The following CEP63 variants were observed in gnomAD, a reference collection of about 807,000 sequenced individuals.
The protein encoded by CEP63 is centrosomal protein of 63 kDa.
CEP63 carries 84 observed loss-of-function variants against 89.1 expected under a neutral mutation model. The ratio of observed to expected loss-of-function variants is 0.94; its 90% CI spans 0.79 to 1.13. CEP63 has a LOEUF of 1.13. Among genes scored for constraint, CEP63 ranks in the 50% most tolerant of loss-of-function variants. CEP63 has a pLI of 0.00. For missense variants in CEP63, 838 were observed against 813.3 expected (o/e 1.03, Z -0.37); for synonymous variants, 267 against 272.5 (o/e 0.98, Z 0.20).
At chr3:134,496,867 G>A (rs1333346112) in intron 2 of CEP63, among the ~76,000 whole-genome samples, 2 of 152,022 alleles carry the variant, frequency 1.3e-5, no homozygotes, top group Non-Finnish European at 2.9e-5. Context: ...TTCCATAATG[G>A]CTGTACTAAT....
the CEP63 span, among the ~76,000 whole-genome samples, chr3:134,778,620 G>T: frequency 6.6e-6 from 1 of 151,974 alleles, no homozygotes; most frequent in Non-Finnish European, 1.5e-5. Flanking sequence ...GTGCAGTGGC[G>T]CAATCTCTGC....
the CEP63 span, among the ~76,000 whole-genome samples, chr3:134,669,435 G>A: frequency 3.3e-5 from 5 of 152,244 alleles, no homozygotes; most frequent in South Asian, 6.2e-4. Flanking sequence ...TGTGGCCCAC[G>A]TAATCCAGAA....
Position 134,574,862 on chromosome 3 carries a change from C to T in CEP63, c.1399C>T (p.Arg467Cys), listed in dbSNP as rs996127045. 1.2e-4 allele frequency: 73 copies of T among 590,240 alleles called. No individual in the cohort carries two copies. In the African/African-American group the frequency reaches 1.3e-3, roughly 10 times the overall value. 36.6% of individuals were successfully genotyped at this position (590,240 alleles called of 1,614,324 possible). A position where few individuals can be genotyped will look rare whatever the true frequency, so the allele number is the denominator to read the frequency against. ...GATTCAAGCAATCCGCCAGCCTCAGCGTCCCAAAGTGCTGGAATTACAAGT... is the reference window on the plus strand; with the variant it reads ...GATTCAAGCAATCCGCCAGCCTCAGTGTCCCAAAGTGCTGGAATTACAAGT... Residue 467 changes from arginine to cysteine, a missense_variant, in exon 12 of 12, where the codon CGT (arginine) becomes TGT (cysteine). By Grantham distance (180) the Arg-to-Cys change is radical (BLOSUM62 -3). Transcript: ENST00000354446.
the CEP63 span, among the ~76,000 whole-genome samples, chr3:134,626,746 C>A: frequency 0.026 from 3,922 of 152,280 alleles, 73 homozygotes; most frequent in South Asian, 0.053. Context: ...TATTGGGGAG[C>A]TGACCAATAT....
the CEP63 span, among the ~76,000 whole-genome samples, chr3:134,667,206 C>T: frequency 7.9e-5 from 12 of 152,286 alleles, no homozygotes; most frequent in East Asian, 1.2e-3. Flanking sequence ...CACTTCCCCC[C>T]GACTAATGTT....
chr3:134,550,665 CAAGTGGGATGAGTGG>C (rs572437187), intron 11 of CEP63, among the ~76,000 whole-genome samples: 79 of 152,224 alleles, frequency 5.2e-4, no homozygotes, highest in Middle Eastern at 3.4e-3. Flanking sequence ...AACTAGAGTA[CAAGTGGGATGAGTGG>C]AAGGTATGAG....
chr3:134,543,498 A>C (rs534891902), intron 6 of CEP63, among the ~76,000 whole-genome samples: 1 of 152,344 alleles, frequency 6.6e-6, no homozygotes, highest in South Asian at 2.1e-4. Context: ...CAAAACTGAG[A>C]AGTTTATTAG....
At chr3:134,501,460 G>A (rs968050659) in intron 2 of CEP63, among the ~76,000 whole-genome samples, 2 of 152,202 alleles carry the variant, frequency 1.3e-5, no homozygotes, top group African/African-American at 4.8e-5. Flanking sequence ...TCTAATCCAT[G>A]AGCATGGAAT....
Position 134,546,130 on chromosome 3 carries a change from A to G in CEP63, c.790-19A>G. On this transcript the variant is annotated intron_variant, in intron 7 of 14. Transcript: ENST00000675561. ...ATTAAAAAGAAGGAAAATTATAATCATATTTGACTTTTTTGCAGGCTCTGC... is the reference window on the plus strand; with the variant it reads ...ATTAAAAAGAAGGAAAATTATAATCGTATTTGACTTTTTTGCAGGCTCTGC... The G allele has an allele frequency of 3.7e-6, 6 of 1,612,978 alleles. No individual in the cohort carries two copies. The highest frequency in any genetic ancestry group is 1.1e-5 in the South Asian group (1 of 90,680).
downstream of CEP63, among the ~76,000 whole-genome samples, chr3:134,576,831 C>G (rs535989843): frequency 1.9e-4 from 28 of 150,480 alleles, no homozygotes; most frequent in East Asian, 2.5e-3. Context: ...ACTTGGAGAG[C>G]CAGCCCATCC....
the CEP63 span, chr3:134,641,098 C>T: frequency 1.3e-5 from 2 of 152,428 alleles, no homozygotes. Context: ...GGCCTTCACG[C>T]TCACTGCTCC....
the CEP63 span, among the ~76,000 whole-genome samples, chr3:134,722,469 G>A: frequency 4.0e-5 from 6 of 151,806 alleles, no homozygotes; most frequent in African/African-American, 1.5e-4. Context: ...CTTACTAAAG[G>A]TTTGTCAATT....
the CEP63 span, among the ~76,000 whole-genome samples, chr3:134,763,935 G>C: frequency 6.6e-6 from 1 of 152,212 alleles, no homozygotes; most frequent in Non-Finnish European, 1.5e-5. Flanking sequence ...GGAGCAGCAA[G>C]TACTCTGGAT....
the CEP63 span, among the ~76,000 whole-genome samples, chr3:134,614,556 G>T: frequency 2.0e-5 from 3 of 151,992 alleles, no homozygotes; most frequent in Non-Finnish European, 4.4e-5. Flanking sequence ...AATGTGGCCT[G>T]ATGGGAAGAG....
chr3:134,639,202 T>C, the CEP63 span, among the ~76,000 whole-genome samples: 12 of 152,156 alleles, frequency 7.9e-5, no homozygotes, highest in African/African-American at 2.2e-4. Flanking sequence ...CCACCCAGGA[T>C]GCAGTAGTCA....
At chr3:134,703,707 A>T in the CEP63 span, among the ~76,000 whole-genome samples, 1 of 152,150 alleles carries the variant, frequency 6.6e-6, no homozygotes, top group Non-Finnish European at 1.5e-5. Flanking sequence ...TGATGGGATG[A>T]TCTGTGCAGG....
chr3:134,677,570 C>T, the CEP63 span, among the ~76,000 whole-genome samples: 3 of 152,232 alleles, frequency 2.0e-5, no homozygotes, highest in Non-Finnish European at 4.4e-5. Flanking sequence ...CTCGATGGCC[C>T]CTGATTTCTC....
chr3:134,526,592 T>C (rs2177601), intron 3 of CEP63, among the ~76,000 whole-genome samples: 48,295 of 151,922 alleles, frequency 0.32, 7,958 homozygotes, highest in African/African-American at 0.36. Context: ...CTCTGAATTA[T>C]ATTTCTGTCA....
the CEP63 span, chr3:134,643,360 T>C: frequency 3.5e-5 from 57 of 1,613,968 alleles, no homozygotes; most frequent in African/African-American, 6.9e-4. Flanking sequence ...CTGAGGGTGC[T>C]GCTTCTCCAC....
Sources: gnomAD v4.1 joint callset for allele counts (sites outside exome capture counted in the v4.1 genomes callset) on GRCh38, gnomAD v4.1.1 for gene constraint, MANE v1.5 for transcripts, NCBI Gene and HGNC (gene_info 2026-07-23, HGNC 2026-07-21) for gene names.